DSE: variants seen among roughly 807,000 people sequenced by gnomAD.
The protein encoded by DSE is dermatan sulfate epimerase.
In DSE, 36 loss-of-function variants were observed where a neutral mutation model predicts 84.4. The observed-to-expected ratio is 0.43, with a 90% CI of 0.33 to 0.56. The LOEUF is 0.56. Ranked by LOEUF, DSE falls within the 20% of genes least tolerant of loss-of-function variation. The probability of loss-of-function intolerance (pLI) is 0.06; values close to 1 mark genes in which losing one functional copy is unlikely to be tolerated. For synonymous variants in DSE, 410 were observed against 430.1 expected (o/e 0.95, Z 0.58); for missense variants, 862 against 1,169.6 (o/e 0.74, Z 3.84).
At chr6:116,416,323 C>T (rs77253431) in intron 2 of DSE, among the ~76,000 whole-genome samples, 1,699 of 150,638 alleles carry the variant, frequency 0.011, 44 homozygotes, top group African/African-American at 0.038. Context: ...TTTTGCCTGT[C>T]ACAGGTTCTA....
At chr6:116,423,968 T>G (rs1287962067) in intron 2 of DSE, among the ~76,000 whole-genome samples, 1 of 152,188 alleles carries the variant, frequency 6.6e-6, no homozygotes, top group Non-Finnish European at 1.5e-5. Flanking sequence ...TCACAGAAAT[T>G]TGCATAACAT....
chr6:116,427,292 A>G (rs944613789), intron 3 of DSE, among the ~76,000 whole-genome samples: 2 of 152,226 alleles, frequency 1.3e-5, no homozygotes, highest in African/African-American at 4.8e-5. Context: ...CCAAATTGGA[A>G]GCAATTTTTG....
rs112888882 is a variant in DSE at position 116,387,505 on chromosome 6, C to T, written c.-53-11693C>T. ...GGAGGTGGGAGTGAGCAAATGACCACGTGCAGCCATGCAGCCATATTCTTG... is the reference window on the plus strand; with the variant it reads ...GGAGGTGGGAGTGAGCAAATGACCATGTGCAGCCATGCAGCCATATTCTTG... On this transcript the variant is annotated intron_variant, in intron 1 of 5. Coordinates refer to ENST00000644252, the MANE Select transcript of DSE (RefSeq NM_013352.4). Among the ~76,000 whole-genome samples the T allele has an allele frequency of 1.5e-3, 236 of 152,266 alleles. 4 individuals carry two copies. The highest frequency in any genetic ancestry group is 5.0e-3 in the African/African-American group (207 of 41,568).
intron 2 of DSE, among the ~76,000 whole-genome samples, chr6:116,285,823 A>G (rs1773865508): frequency 6.6e-6 from 1 of 152,120 alleles, no homozygotes; most frequent in African/African-American, 2.4e-5. Context: ...CAAAGATCAG[A>G]TGGTTGTAGA....
intron 2 of DSE, among the ~76,000 whole-genome samples, chr6:116,303,628 A>G (rs952355464): frequency 2.0e-5 from 3 of 152,148 alleles, no homozygotes; most frequent in Admixed American, 6.5e-5. Flanking sequence ...CAGGGCAGGA[A>G]AGCAAGAGAC....
intron 1 of DSE, among the ~76,000 whole-genome samples, chr6:116,371,350 G>A (rs982938966): frequency 4.6e-5 from 7 of 152,214 alleles, no homozygotes; most frequent in African/African-American, 1.7e-4. Context: ...CGGCGGCGGA[G>A]CAGCCTCGAG....
At chr6:116,261,619 G>A (rs2114597952) in intron 2 of DSE, among the ~76,000 whole-genome samples, 1 of 151,866 alleles carries the variant, frequency 6.6e-6, no homozygotes, top group East Asian at 1.9e-4. Flanking sequence ...GCCCTGGCCA[G>A]GACTTCCAAT....
intron 2 of DSE, among the ~76,000 whole-genome samples, chr6:116,294,882 C>T (rs2114684654): frequency 6.6e-6 from 1 of 152,140 alleles, no homozygotes; most frequent in African/African-American, 2.4e-5. Context: ...TGCAGAACAC[C>T]CCATCTCAAA....
intron 2 of DSE, 109 bp downstream of exon 2, chr6:116,399,775 G>C: frequency 9.6e-7 from 1 of 1,044,696 alleles, no homozygotes; most frequent in Non-Finnish European, 1.4e-6. Flanking sequence ...GTGTATGTGT[G>C]TGGGGGGAGG....
At chr6:116,258,933 G>A (rs747037679) in exon 2 of DSE, 2 of 1,557,874 alleles carry the variant, frequency 1.3e-6, no homozygotes, top group Non-Finnish European at 1.8e-6. Flanking sequence ...GAGCTTTGTG[G>A]AAGCATTTGG....
At chr6:116,278,372 G>GAA in intron 2 of DSE, 1 of 1,015,188 alleles carries the variant, frequency 9.9e-7, no homozygotes, top group Non-Finnish European at 1.5e-6. Context: ...GAGGTTGAGA[G>GAA]AACTGAATAT....
upstream of DSE, among the ~76,000 whole-genome samples, chr6:116,369,018 G>T (rs915821521): frequency 6.6e-6 from 1 of 152,042 alleles, no homozygotes; most frequent in African/African-American, 2.4e-5. Flanking sequence ...ATTGTGGGGG[G>T]TGTGAGGGTA....
chr6:116,431,426 G>A (rs917533642), intron 4 of DSE, among the ~76,000 whole-genome samples: 1 of 152,042 alleles, frequency 6.6e-6, no homozygotes, highest in Non-Finnish European at 1.5e-5. Context: ...GAGGGTTATG[G>A]ATTAAATACA....
rs79149206 is a variant in DSE, at chr6:116,408,923, G to A, written c.416+9257G>A. On this transcript the variant is annotated intron_variant, in intron 2 of 5. Transcript: ENST00000644252. ...TGCTTCAGTCTTTGAAATGAATGGCGGTGCTGTTAAGCAAGGGGAGGCGAT... is the reference window on the plus strand; with the variant it reads ...TGCTTCAGTCTTTGAAATGAATGGCAGTGCTGTTAAGCAAGGGGAGGCGAT... Among the ~76,000 whole-genome samples, 1,355 of 152,292 alleles carry A rather than the reference G, an allele frequency of 8.9e-3. 22 individuals carry two copies. Among genetic ancestry groups the A allele is most frequent in the African/African-American group, 0.032 (1,310 of 41,552 alleles).
intron 2 of DSE, among the ~76,000 whole-genome samples, chr6:116,357,571 G>A (rs1176823752): frequency 6.6e-6 from 1 of 152,004 alleles, no homozygotes; most frequent in Non-Finnish European, 1.5e-5. Context: ...GGCATCAGCA[G>A]AGCCTTGCTT....
At chr6:116,299,502 TTTTATATATATATATA>T (rs1243996288) in intron 2 of DSE, among the ~76,000 whole-genome samples, 522 of 47,484 alleles carry the variant, frequency 0.011, 34 homozygotes, top group African/African-American at 0.063. Context: ...CTTGAATTAT[TTTTATATATATATATA>T]TATATATATA....
intron 2 of DSE, among the ~76,000 whole-genome samples, chr6:116,354,781 AT>A (rs1778489273): frequency 6.6e-6 from 1 of 152,136 alleles, no homozygotes; most frequent in Non-Finnish European, 1.5e-5. Context: ...CTGTAATTAT[AT>A]TTTTTGGTTA....
chr6:116,405,993 T>C (rs1781898842), intron 2 of DSE, among the ~76,000 whole-genome samples: 2 of 152,260 alleles, frequency 1.3e-5, no homozygotes, highest in Non-Finnish European at 1.5e-5. Flanking sequence ...AAAGTTACTC[T>C]AATAATGCTT....
intron 2 of DSE, among the ~76,000 whole-genome samples, chr6:116,307,261 C>T (rs1355346398): frequency 1.3e-5 from 2 of 152,138 alleles, no homozygotes; most frequent in Non-Finnish European, 2.9e-5. Flanking sequence ...ATTCATTAAC[C>T]TTACTGTTTG....
Sources: gnomAD v4.1 joint callset for allele counts (sites outside exome capture counted in the v4.1 genomes callset) on GRCh38, gnomAD v4.1.1 for gene constraint, MANE v1.5 for transcripts, NCBI Gene and HGNC (gene_info 2026-07-23, HGNC 2026-07-21) for gene names.